The following SEMA6A variants were observed in gnomAD, a reference collection of about 807,000 sequenced individuals.
The protein encoded by SEMA6A is semaphorin 6A, also known as semaphorin-6A.
In SEMA6A, 25 loss-of-function variants were observed where a neutral mutation model predicts 96.8. The ratio of observed to expected loss-of-function variants is 0.26; its 90% confidence interval spans 0.19 to 0.36. SEMA6A has a LOEUF of 0.36. SEMA6A is among the 10% of genes least tolerant of loss of function. SEMA6A has a pLI of 1.00. For synonymous variants in SEMA6A, 612 were observed against 518.0 expected (o/e 1.18, Z -2.46); for missense variants, 1,363 against 1,323.1 (o/e 1.03, Z -0.47).
intron 17 of SEMA6A, chr5:116,471,429 G>A (rs955763413): frequency 1.3e-4 from 20 of 152,106 alleles, no homozygotes; most frequent in Admixed American, 7.9e-4. Context: ...GGTTCAATTC[G>A]TTTCAAGATC....
chr5:116,516,970 G>C (rs940051447), intron 1 of SEMA6A, among the ~76,000 whole-genome samples: 1 of 152,106 alleles, frequency 6.6e-6, no homozygotes, highest in South Asian at 2.1e-4. Context: ...GGCTCCTTAA[G>C]TTTAAAGAAA....
At chr5:116,537,045 A>G (rs1302525084) in intron 1 of SEMA6A, among the ~76,000 whole-genome samples, 1 of 152,172 alleles carries the variant, frequency 6.6e-6, no homozygotes. Context: ...GTCCATAATA[A>G]GAGCAGCCTG....
Position 116,478,405 on chromosome 5 carries a change from GTTAAA to G in SEMA6A, c.1427+132_1427+136del, listed in dbSNP as rs1756578217. 5 of 971,460 alleles carry G rather than the reference GTTAAA, an allele frequency of 5.1e-6. No individual in the cohort carries two copies. In the African/African-American group the frequency reaches 8.3e-5, roughly 16 times the overall value. 60.2% of individuals were successfully genotyped at this position (971,460 alleles called of 1,614,324 possible). A position where few individuals can be genotyped will look rare whatever the true frequency, so the allele number is the denominator to read the frequency against. On this transcript the variant is annotated intron_variant, in intron 13 of 18. Transcript: ENST00000343348. ...AAGGAGAAAATAATGCTTTTTAGGT[GTTAAA>G]TTTTTACAAACAGCACTAAAAAGTC...
At chr5:116,486,696 G>A (rs2059874) in intron 10 of SEMA6A, 53 bp downstream of exon 10, 210,902 of 1,457,038 alleles carry the variant, frequency 0.14, 15,844 homozygotes, top group East Asian at 0.25. Flanking sequence ...AACCCCCTGG[G>A]AGAAGGAAGC....
Position 116,486,771 on chromosome 5 carries a change from T to G in SEMA6A, c.940A>C (p.Thr314Pro). 1 of 1,613,702 alleles carries G rather than the reference T, an allele frequency of 6.2e-7. No individual in the cohort carries two copies. The highest frequency in any genetic ancestry group is 8.5e-7 in the Non-Finnish European group (1 of 1,179,718). ...RINGRDVVLA[T>P]FSTPYNSIPG... ...TACCTGTTATAAGGTGTAGAAAACGTTGCCAGGACAACATCACGCCCGTTG... is the reference window on the plus strand; with the variant it reads ...TACCTGTTATAAGGTGTAGAAAACGGTGCCAGGACAACATCACGCCCGTTG... Residue 314 changes from threonine (T) to proline (P), a missense_variant, in exon 10 of 19, where the codon ACG becomes CCG. Transcript: ENST00000343348.
At chr5:116,507,609 T>G (rs2112782165) in intron 1 of SEMA6A, among the ~76,000 whole-genome samples, 1 of 152,366 alleles carries the variant, frequency 6.6e-6, no homozygotes, top group Non-Finnish European at 1.5e-5. Flanking sequence ...GCTACCCACA[T>G]GTAGCATATT....
intron 10 of SEMA6A, among the ~76,000 whole-genome samples, chr5:116,486,021 T>C (rs1399049524): frequency 1.3e-5 from 2 of 152,176 alleles, no homozygotes; most frequent in African/African-American, 2.4e-5. Flanking sequence ...AATACAAAAA[T>C]AGGAGTGACT....
chr5:116,553,109 C>A (rs574156314), intron 1 of SEMA6A, among the ~76,000 whole-genome samples: 1 of 152,260 alleles, frequency 6.6e-6, no homozygotes, highest in South Asian at 2.1e-4. Context: ...TATGCACATA[C>A]AATATATTAT....
At chr5:116,471,022 ATC>A (rs1319970088) in intron 17 of SEMA6A, among the ~76,000 whole-genome samples, 1 of 152,238 alleles carries the variant, frequency 6.6e-6, no homozygotes, top group Non-Finnish European at 1.5e-5. Flanking sequence ...CAAAATTAAC[ATC>A]CCTTGCAATG....
intron 7 of SEMA6A, 57 bp from the exon 8 acceptor site, chr5:116,489,064 G>C: frequency 1.3e-6 from 2 of 1,489,172 alleles, no homozygotes; most frequent in Non-Finnish European, 1.8e-6. Flanking sequence ...GGGGGTGGAG[G>C]AATAATAAAG....
At chr5:116,464,197 A>G (rs1456238216) in intron 18 of SEMA6A, among the ~76,000 whole-genome samples, 1 of 152,192 alleles carries the variant, frequency 6.6e-6, no homozygotes, top group East Asian at 1.9e-4. Flanking sequence ...GGAGGAATAA[A>G]TAATATGTAT....
intron 3 of SEMA6A, among the ~76,000 whole-genome samples, chr5:116,501,002 A>G (rs1217545214): frequency 6.6e-6 from 1 of 151,922 alleles, no homozygotes; most frequent in Non-Finnish European, 1.5e-5. Context: ...TGGGAGTGAA[A>G]CCCTGTCTCA....
At chr5:116,487,191 T>TGCC (rs1757094047) in intron 9 of SEMA6A, 1 of 484,104 alleles carries the variant, frequency 2.1e-6, no homozygotes. Context: ...TACAGAGTCA[T>TGCC]AAATCCTTCA....
chr5:116,450,463 G>A (rs1171055822), intron 18 of SEMA6A, among the ~76,000 whole-genome samples: 4 of 152,286 alleles, frequency 2.6e-5, no homozygotes, highest in Non-Finnish European at 5.9e-5. Context: ...TGGTTTCACT[G>A]GGAAAACTGC....
intron 1 of SEMA6A, among the ~76,000 whole-genome samples, chr5:116,556,332 A>G (rs1760604271): frequency 6.6e-6 from 1 of 152,218 alleles, no homozygotes; most frequent in African/African-American, 2.4e-5. Context: ...TCATCTGGAC[A>G]CTATCATCTC....
intron 12 of SEMA6A, among the ~76,000 whole-genome samples, chr5:116,479,632 G>A (rs903725933): frequency 6.6e-6 from 1 of 152,192 alleles, no homozygotes; most frequent in African/African-American, 2.4e-5. Context: ...CTAATTGGCT[G>A]TCCCTTCGCT....
intron 1 of SEMA6A, among the ~76,000 whole-genome samples, chr5:116,547,850 T>C (rs150697059): frequency 0.01 from 1,534 of 152,060 alleles, 14 homozygotes; most frequent in Non-Finnish European, 0.014. Flanking sequence ...TAAGGTATAT[T>C]ATACTCAGAT....
At chr5:116,448,062 G>A (rs948839398) in intron 18 of SEMA6A, among the ~76,000 whole-genome samples, 1 of 151,582 alleles carries the variant, frequency 6.6e-6, no homozygotes, top group African/African-American at 2.4e-5. Flanking sequence ...GGCCGGGCAC[G>A]GTGACTCACG....
chr5:116,488,922 C>G lies in SEMA6A; in HGVS notation c.621G>C (p.Leu207=), dbSNP rs1369635381. 7.6e-6 allele frequency: 12 copies of G among 1,588,078 alleles called. No homozygotes were observed. The highest frequency in any genetic ancestry group is 9.4e-6 in the Non-Finnish European group (11 of 1,166,232). ...ATTTTGAATCGTGCTTGACGGTCCG[C>G]AGGGTAGGGCTTTCTCCAAGACTCC... ...IYRSLGESPT[L]RTVKHDSKWL... is the part of the protein sequence containing the mutation. Residue 207 remains leucine (L), a synonymous_variant, in exon 8 of 19, where the codon CTG becomes CTC. Coordinates refer to ENST00000343348, the MANE Select transcript of SEMA6A (RefSeq NM_020796.5).
Sources: allele counts gnomAD v4.1 joint callset (sites outside exome capture counted in the v4.1 genomes callset), GRCh38; gene constraint gnomAD v4.1.1; transcripts MANE v1.5; gene names NCBI Gene and HGNC (gene_info 2026-07-23, HGNC 2026-07-21).